The following CRADD variants were observed in gnomAD, a reference collection of about 807,000 sequenced individuals.
The protein encoded by CRADD is death domain-containing protein CRADD.
In CRADD, 9 loss-of-function variants were observed where a neutral mutation model predicts 15.5. That is an observed-to-expected ratio of 0.58 (90% CI 0.35 to 1.01). CRADD has a LOEUF of 1.01. Ranked by LOEUF, CRADD falls within the 50% of genes least tolerant of loss-of-function variation. The probability of loss-of-function intolerance (pLI) is 0.02; values close to 1 mark genes in which losing one functional copy is unlikely to be tolerated. For synonymous variants in CRADD, 118 were observed against 107.6 expected (o/e 1.10, Z -0.60); for missense variants, 227 against 250.3 (o/e 0.91, Z 0.63).
At chr12:93,859,766 C>T (rs1040971649) in intron 2 of CRADD, among the ~76,000 whole-genome samples, 1 of 151,900 alleles carries the variant, frequency 6.6e-6, no homozygotes, top group Admixed American at 6.6e-5. Context: ...ACTCTGTCTC[C>T]CCAGCTGGAG....
At chr12:93,711,627 T>C (rs1956076315) in intron 2 of CRADD, among the ~76,000 whole-genome samples, 1 of 152,130 alleles carries the variant, frequency 6.6e-6, no homozygotes. Context: ...ATTCATCCCA[T>C]TTTAGGGGTT....
At chr12:93,748,144 C>A (rs755796474) in intron 2 of CRADD, among the ~76,000 whole-genome samples, 1 of 152,184 alleles carries the variant, frequency 6.6e-6, no homozygotes, top group Non-Finnish European at 1.5e-5. Flanking sequence ...GTCCCTACCA[C>A]AGAATGCGAG....
intron 2 of CRADD, chr12:93,848,691 CA>C (rs1340522164): frequency 6.6e-6 from 1 of 152,368 alleles, no homozygotes; most frequent in Non-Finnish European, 1.5e-5. Context: ...CTTCATCACC[CA>C]GCTCCTCCTC....
intron 2 of CRADD, among the ~76,000 whole-genome samples, chr12:93,800,925 G>A (rs899836046): frequency 1.2e-4 from 19 of 152,064 alleles, no homozygotes; most frequent in Admixed American, 1.1e-3. Flanking sequence ...TAAAGTGGCT[G>A]AATCATTTAT....
chr12:93,863,460 G>T (rs965206605), intron 2 of CRADD, among the ~76,000 whole-genome samples: 1 of 151,994 alleles, frequency 6.6e-6, no homozygotes, highest in Non-Finnish European at 1.5e-5. Context: ...AAAAATACCC[G>T]AACGTAGCTT....
chr12:93,708,916 G>A (rs1303117958), intron 2 of CRADD: 1 of 152,672 alleles, frequency 6.5e-6, no homozygotes, highest in African/African-American at 2.4e-5. Context: ...GGTGTCTGGT[G>A]AGGGCCCATT....
In CRADD at chr12:93,751,006, C is replaced by T. The variant is rs952166041; in HGVS notation, c.298+71934C>T. 8.1e-4 allele frequency among the ~76,000 whole-genome samples: 123 copies of T among 152,300 alleles called. 1 individual carries two copies. The highest frequency in any genetic ancestry group is 1.6e-3 in the Non-Finnish European group (110 of 68,016). On this transcript the variant is annotated intron_variant, in intron 2 of 2. Coordinates refer to ENST00000332896, the MANE Select transcript of CRADD (RefSeq NM_003805.5). ...TTAGGCCAGCCTCAGGGAATGCTCT[C>T]ACTGAACTGACCTGGTAACTTGCCT...
intron 2 of CRADD, among the ~76,000 whole-genome samples, chr12:93,847,498 G>GAA (rs11378030): frequency 0.024 from 1,518 of 62,064 alleles, 38 homozygotes; most frequent in East Asian, 0.061. Flanking sequence ...AGCATTGCTT[G>GAA]AAAAAAAAAA....
At chr12:93,762,302 G>A (rs1323192028) in intron 2 of CRADD, among the ~76,000 whole-genome samples, 1 of 152,180 alleles carries the variant, frequency 6.6e-6, no homozygotes, top group Non-Finnish European at 1.5e-5. Context: ...TGAGGCTGAG[G>A]GCAATAAGGA....
chr12:93,717,389 C>T (rs1394835175), intron 2 of CRADD, among the ~76,000 whole-genome samples: 1 of 152,110 alleles, frequency 6.6e-6, no homozygotes, highest in Non-Finnish European at 1.5e-5. Context: ...TCTAGCTTAT[C>T]AATTATTTCT....
intron 2 of CRADD, among the ~76,000 whole-genome samples, chr12:93,730,717 CTT>C (rs566237726): frequency 2.1e-3 from 269 of 127,032 alleles, no homozygotes; most frequent in African/African-American, 5.0e-3. Flanking sequence ...CCTTCATTTA[CTT>C]TTTTTTTTTT....
chr12:93,747,603 G>A (rs912470996), intron 2 of CRADD, among the ~76,000 whole-genome samples: 1 of 151,938 alleles, frequency 6.6e-6, no homozygotes, highest in African/African-American at 2.4e-5. Flanking sequence ...CAAGTAGCTG[G>A]GCCTACAGGC....
At chr12:93,744,058 C>A (rs1325868639) in intron 2 of CRADD, among the ~76,000 whole-genome samples, 1 of 152,136 alleles carries the variant, frequency 6.6e-6, no homozygotes, top group Non-Finnish European at 1.5e-5. Context: ...CTATTACGGG[C>A]ATAACAGATT....
intron 2 of CRADD, among the ~76,000 whole-genome samples, chr12:93,682,175 C>G (rs575514606): frequency 6.6e-6 from 1 of 152,224 alleles, no homozygotes; most frequent in African/African-American, 2.4e-5. Flanking sequence ...AAAAAGAAAT[C>G]CAGAACCTAC....
At chr12:93,757,727 C>T (rs1956907321) in intron 2 of CRADD, among the ~76,000 whole-genome samples, 2 of 152,142 alleles carry the variant, frequency 1.3e-5, no homozygotes, top group Admixed American at 6.5e-5. Flanking sequence ...TTTGCTCAGC[C>T]TCTCCATTTC....
intron 2 of CRADD, among the ~76,000 whole-genome samples, chr12:93,757,339 GC>G (rs757955960): frequency 5.3e-5 from 8 of 152,262 alleles, no homozygotes; most frequent in African/African-American, 4.8e-5. Context: ...ATTTTCTAGT[GC>G]TGCCTATGTG....
At chr12:93,879,546 C>T (rs1958480280) in intron 2 of CRADD, among the ~76,000 whole-genome samples, 1 of 152,296 alleles carries the variant, frequency 6.6e-6, no homozygotes, top group South Asian at 2.1e-4. Flanking sequence ...AACTGTAACA[C>T]ATGTGTTTTA....
exon 3 of CRADD, chr12:93,894,120 T>G (rs1471188310): frequency 5.7e-6 from 4 of 702,404 alleles, no homozygotes; most frequent in Non-Finnish European, 7.8e-6. Context: ...GATTCTGAAC[T>G]GGCATCTTCC....
chr12:93,787,598 A>G lies in CRADD; in HGVS notation c.299-62372A>G, dbSNP rs573416690. Among the ~76,000 whole-genome samples, 3 of 152,274 alleles carry G rather than the reference A, an allele frequency of 2.0e-5. No individual in the cohort carries two copies. The East Asian group carries it at 5.8e-4, about 29-fold the overall frequency. On this transcript the variant is annotated intron_variant, in intron 2 of 2. Coordinates refer to ENST00000332896, the MANE Select transcript of CRADD (RefSeq NM_003805.5). ...GATTTTCTCCAAGAAAATGAAACAA[A>G]TAAGATCCACTCTCAAAGGACCTTA...
Sources: allele counts gnomAD v4.1 joint callset (sites outside exome capture counted in the v4.1 genomes callset), GRCh38; gene constraint gnomAD v4.1.1; transcripts MANE v1.5; gene names NCBI Gene and HGNC (gene_info 2026-07-23, HGNC 2026-07-21).